ZPBP: variants seen among roughly 807,000 people sequenced by gnomAD.
ZPBP encodes the protein zona pellucida-binding protein 1.
ZPBP carries 26 observed loss-of-function variants against 44.8 expected under a neutral mutation model. The observed-to-expected ratio is 0.58, with a 90% CI of 0.43 to 0.81. The LOEUF is 0.81. Among genes scored for constraint, ZPBP ranks in the 30% least tolerant of loss-of-function variants. The pLI, the probability that ZPBP is intolerant of heterozygous loss-of-function variation, is 0.00. For synonymous variants in ZPBP, 174 were observed against 153.2 expected (o/e 1.14, Z -1.00); for missense variants, 409 against 434.0 (o/e 0.94, Z 0.51).
intron 7 of ZPBP, among the ~76,000 whole-genome samples, chr7:49,981,754 A>G (rs1212049405): frequency 1.0e-5 from 1 of 100,018 alleles, no homozygotes; most frequent in Non-Finnish European, 1.8e-5. Context: ...TATATTATAT[A>G]TTATAATTTT....
chr7:49,893,803 A>G (rs990531506), intron 2 of ZPBP, among the ~76,000 whole-genome samples: 8 of 152,264 alleles, frequency 5.3e-5, no homozygotes, highest in African/African-American at 1.7e-4. Flanking sequence ...ATAATTTACA[A>G]TAAGTTACAG....
intron 2 of ZPBP, among the ~76,000 whole-genome samples, chr7:49,868,321 T>C (rs1790999431): frequency 6.6e-6 from 1 of 152,236 alleles, no homozygotes; most frequent in Non-Finnish European, 1.5e-5. Flanking sequence ...TAAACCTCTT[T>C]AGCCAAGTCA....
At chr7:49,957,930 G>A (rs1321996603) in intron 7 of ZPBP, among the ~76,000 whole-genome samples, 2 of 152,174 alleles carry the variant, frequency 1.3e-5, no homozygotes, top group Non-Finnish European at 2.9e-5. Context: ...GTGGCTTCTC[G>A]AGCCCTTGAG....
chr7:50,069,943 G>A (rs931289751), intron 3 of ZPBP, among the ~76,000 whole-genome samples: 4 of 151,970 alleles, frequency 2.6e-5, no homozygotes, highest in Non-Finnish European at 4.4e-5. Context: ...GCCTCCCCAC[G>A]TCACTCCCTG....
intron 2 of ZPBP, among the ~76,000 whole-genome samples, chr7:49,856,791 C>T (rs527462569): frequency 2.0e-5 from 3 of 152,010 alleles, no homozygotes; most frequent in South Asian, 4.2e-4. Context: ...GGGCGGATCA[C>T]GAGGTCAGGA....
At chr7:49,960,820 A>G (rs770398839) in intron 7 of ZPBP, among the ~76,000 whole-genome samples, 66 of 152,194 alleles carry the variant, frequency 4.3e-4, no homozygotes, top group Admixed American at 2.2e-3. Context: ...TGGAATGGCT[A>G]AGATGTAAAA....
chr7:49,983,224 A>T (rs2128781937), intron 7 of ZPBP, 118 bp downstream of exon 7: 1 of 919,278 alleles, frequency 1.1e-6, no homozygotes. Flanking sequence ...TACTTTAAAT[A>T]AACTATGAAA....
chr7:49,856,837 A>T (rs1435952853), intron 2 of ZPBP, among the ~76,000 whole-genome samples: 1 of 151,718 alleles, frequency 6.6e-6, no homozygotes, highest in African/African-American at 2.4e-5. Flanking sequence ...GTGAAACCCC[A>T]TCTCTACTAA....
chr7:50,071,872 C>G (rs774251891), intron 3 of ZPBP, among the ~76,000 whole-genome samples: 2 of 152,146 alleles, frequency 1.3e-5, no homozygotes, highest in Non-Finnish European at 2.9e-5. Flanking sequence ...GCAGCGATAC[C>G]CAGGTACAAC....
intron 2 of ZPBP, among the ~76,000 whole-genome samples, chr7:50,089,025 T>C (rs1311944894): frequency 6.6e-6 from 1 of 152,044 alleles, no homozygotes; most frequent in East Asian, 1.9e-4. Flanking sequence ...TATATGAAAT[T>C]TCCAGAACAG....
chr7:49,977,243 A>G (rs1314995841), intron 7 of ZPBP, among the ~76,000 whole-genome samples: 2 of 152,126 alleles, frequency 1.3e-5, no homozygotes, highest in African/African-American at 4.8e-5. Flanking sequence ...CAGAAATATA[A>G]TGATTCAAAA....
intron 5 of ZPBP, among the ~76,000 whole-genome samples, chr7:50,028,744 T>A (rs892027841): frequency 3.3e-5 from 5 of 151,820 alleles, no homozygotes; most frequent in Non-Finnish European, 4.4e-5. Context: ...TATAATAGCA[T>A]CAGAAATAAT....
At chr7:49,946,452 T>G (rs1795107545) in intron 7 of ZPBP, among the ~76,000 whole-genome samples, 1 of 152,168 alleles carries the variant, frequency 6.6e-6, no homozygotes, top group Non-Finnish European at 1.5e-5. Context: ...AAGAATATTT[T>G]TGCCAGATAT....
intron 4 of ZPBP, among the ~76,000 whole-genome samples, chr7:50,051,941 T>C (rs924529898): frequency 6.6e-6 from 1 of 151,752 alleles, no homozygotes; most frequent in African/African-American, 2.4e-5. Flanking sequence ...TCCTGCATGT[T>C]ACCCAATAAC....
intron 7 of ZPBP, among the ~76,000 whole-genome samples, chr7:49,965,666 T>C (rs1796028978): frequency 6.6e-6 from 1 of 152,058 alleles, no homozygotes; most frequent in Non-Finnish European, 1.5e-5. Context: ...GACTGTTTAA[T>C]AAGCATAATA....
rs529142980 is a variant in ZPBP, at chr7:49,926,936, G to T, written n.411+8815C>A. Among the ~76,000 whole-genome samples, 83 of 152,278 alleles carry T rather than the reference G, an allele frequency of 5.5e-4. 1 individual carries two copies. Among genetic ancestry groups the T allele is most frequent in the Middle Eastern group, 3.4e-3 (1 of 294 alleles). On this transcript the variant is annotated intron_variant and non_coding_transcript_variant, in intron 1 of 2. Coordinates refer to the ZPBP transcript ENST00000465922. ...CATAGCCGGGAAAGACTGGCAGCAG[G>T]CCTCTGCTGTGCTCAGTCTAGAAGC...
intron 7 of ZPBP, among the ~76,000 whole-genome samples, chr7:49,963,631 T>G (rs1051471606): frequency 1.3e-5 from 2 of 151,846 alleles, no homozygotes; most frequent in African/African-American, 4.8e-5. Context: ...AATGTTAGTT[T>G]TGATACTTGT....
chr7:50,070,288 G>A (rs979687877), intron 3 of ZPBP, among the ~76,000 whole-genome samples: 1 of 152,002 alleles, frequency 6.6e-6, no homozygotes, highest in Admixed American at 6.5e-5. Context: ...TTGGATTAGT[G>A]GTTGGTACCC....
At chr7:49,911,257 G>A (rs1033809061) in intron 1 of ZPBP, among the ~76,000 whole-genome samples, 4 of 152,022 alleles carry the variant, frequency 2.6e-5, no homozygotes, top group African/African-American at 9.7e-5. Flanking sequence ...GCCAAGGCGG[G>A]CAGATCACGA....
Sources: allele counts gnomAD v4.1 joint callset (sites outside exome capture counted in the v4.1 genomes callset), GRCh38; gene constraint gnomAD v4.1.1; transcripts MANE v1.5; gene names NCBI Gene and HGNC (gene_info 2026-07-23, HGNC 2026-07-21).